The following TRAF6 variants were observed in gnomAD, a reference collection of about 807,000 sequenced individuals.
The protein encoded by TRAF6 is TNF receptor-associated factor 6.
TRAF6 carries 10 observed loss-of-function variants against 48.4 expected under a neutral mutation model. The ratio of observed to expected loss-of-function variants is 0.21; its 90% CI spans 0.13 to 0.35. The LOEUF (loss-of-function observed/expected upper bound fraction) is 0.35, where lower values mean the gene tolerates loss of function less well. TRAF6 is among the 10% of genes least tolerant of loss of function. The pLI, the probability that TRAF6 is intolerant of heterozygous loss-of-function variation, is 1.00. For missense variants in TRAF6, 397 were observed against 661.0 expected (o/e 0.60, Z 4.38); for synonymous variants, 186 against 219.6 (o/e 0.85, Z 1.35).
chr11:36,507,789 T>C (rs1460178448), intron 1 of TRAF6, among the ~76,000 whole-genome samples: 7 of 142,758 alleles, frequency 4.9e-5, no homozygotes, highest in Non-Finnish European at 1.1e-4. Context: ...TATATGTATA[T>C]ATTATATATG....
intron 1 of TRAF6, among the ~76,000 whole-genome samples, chr11:36,505,959 T>TA (rs1321199054): frequency 7.9e-5 from 12 of 152,108 alleles, no homozygotes; most frequent in Non-Finnish European, 1.5e-5. Context: ...AAACAACAAT[T>TA]ACAATAGTAA....
chr11:36,493,554 TAGAG>T (rs1859590846), intron 5 of TRAF6, among the ~76,000 whole-genome samples: 1 of 152,160 alleles, frequency 6.6e-6, no homozygotes, highest in Non-Finnish European at 1.5e-5. Context: ...CAAAAACAGG[TAGAG>T]AGACAGATCT....
chr11:36,501,827 C>T (rs1052881419), intron 1 of TRAF6: 2 of 199,262 alleles, frequency 1.0e-5, no homozygotes, highest in African/African-American at 4.6e-5. Context: ...AGAACGACAG[C>T]ATATAAAGTT....
rs1051937029 is a variant in TRAF6, at chr11:36,490,925, TCTAA to T, written c.757-279_757-276del. 5.9e-5 allele frequency among the ~76,000 whole-genome samples: 9 copies of T among 152,188 alleles called. No homozygotes were observed. The highest frequency in any genetic ancestry group is 1.9e-4 in the African/African-American group (8 of 41,430). ...AATGTATTTACACACATCCTTCTTT[TCTAA>T]CTGAGATGCCTGTCCTCTCCAAGAT... is the stretch of plus-strand genomic sequence containing the variant. On this transcript the variant is annotated intron_variant, in intron 6 of 6. Coordinates refer to ENST00000526995, the MANE Select transcript of TRAF6 (RefSeq NM_004620.4). The surrounding 1 kb of genome is among the most constrained non-coding windows in gnomAD (Gnocchi z 6.4).
rs1433176275 is a variant in TRAF6 at position 36,487,244 on chromosome 11, G to A, written c.*2594C>T. 1 of 152,248 alleles carries A rather than the reference G, an allele frequency of 6.6e-6. No homozygotes were observed. Among genetic ancestry groups the A allele is most frequent in the South Asian group, 2.1e-4 (1 of 4,836 alleles). 9.4% of individuals were successfully genotyped at this position (152,248 alleles called of 1,614,324 possible). On this transcript the variant is annotated 3_prime_UTR_variant, in exon 7 of 7. Transcript: ENST00000526995. ...CATACAACATAAAGCCCAAAGGCTT[G>A]TATACCCAACTGAGTGAAACTAGCA... is the stretch of plus-strand genomic sequence containing the variant.
In TRAF6 at chr11:36,484,169, C is replaced by T. The variant is rs141856130; in HGVS notation, c.*5669G>A. ...AGGAGCAGGGCTTGTTTTATGCGCTCCGTGCATGCTGATGGTGCAGGGAGT... is the reference window on the plus strand; with the variant it reads ...AGGAGCAGGGCTTGTTTTATGCGCTTCGTGCATGCTGATGGTGCAGGGAGT... On this transcript the variant is annotated 3_prime_UTR_variant, in exon 7 of 7. Transcript: ENST00000526995. Among the ~76,000 whole-genome samples, 2 of 152,314 alleles carry T rather than the reference C, an allele frequency of 1.3e-5. No homozygotes were observed. The highest frequency in any genetic ancestry group is 2.9e-5 in the Non-Finnish European group (2 of 68,028).
intron 1 of TRAF6, among the ~76,000 whole-genome samples, chr11:36,509,629 G>A (rs1859873186): frequency 6.6e-6 from 1 of 152,184 alleles, no homozygotes; most frequent in African/African-American, 2.4e-5. Context: ...GGAGTTGAGG[G>A]GAGCGAGGTT....
At position 36,508,270 on chromosome 11, in the gene TRAF6, TC is replaced by T. The variant is rs548339357; in HGVS notation, c.-23+1777del. ...TATGTTAAGAGTGTCCTGACTGTAATCCCCTTTTGCAGTTGCGAAATCTAGT... is the reference window on the plus strand; with the variant it reads ...TATGTTAAGAGTGTCCTGACTGTAATCCCTTTTGCAGTTGCGAAATCTAGT... On this transcript the variant is annotated intron_variant, in intron 1 of 6. Transcript: ENST00000526995. 3.7e-3 allele frequency among the ~76,000 whole-genome samples: 567 copies of T among 151,804 alleles called. 2 individuals carry two copies. Among genetic ancestry groups the T allele is most frequent in the Admixed American group, 0.01 (152 of 15,150 alleles).
intron 1 of TRAF6, among the ~76,000 whole-genome samples, chr11:36,504,728 G>A (rs1446932123): frequency 2.0e-5 from 3 of 152,136 alleles, no homozygotes; most frequent in Admixed American, 6.6e-5. Context: ...CAGATCCATC[G>A]GGGGCTCATT....
At position 36,498,645 on chromosome 11, in the gene TRAF6, C is replaced by A. The variant is rs1397020408; in HGVS notation, c.297-5G>T. On this transcript the variant is annotated splice_polypyrimidine_tract_variant and splice_region_variant and intron_variant, in intron 2 of 6. Coordinates refer to ENST00000526995, the MANE Select transcript of TRAF6 (RefSeq NM_004620.4). Reference sequence around the variant, plus strand: ...GGACATTTGTGACCTGCATCCCTAACAGAAACAAAATACACACAATTAGAT... The same window carrying A: ...GGACATTTGTGACCTGCATCCCTAAAAGAAACAAAATACACACAATTAGAT... 5 of 1,601,114 alleles carry A rather than the reference C, an allele frequency of 3.1e-6. No individual in the cohort carries two copies. The highest frequency in any genetic ancestry group is 4.3e-6 in the Non-Finnish European group (5 of 1,175,832).
In TRAF6 at chr11:36,488,704, G is replaced by C. The variant is rs1859521270; in HGVS notation, c.*1134C>G. ...TCCTTCTCAGAACCTGCAGTTGTTA[G>C]GCTACAGCAACATACTCAAGCTAAG... On this transcript the variant is annotated 3_prime_UTR_variant, in exon 7 of 7. Transcript: ENST00000526995. 1 of 152,150 alleles carries C rather than the reference G, an allele frequency of 6.6e-6. No homozygotes were observed. Among genetic ancestry groups the C allele is most frequent in the Admixed American group, 6.5e-5 (1 of 15,274 alleles). The allele number at this position is 152,150 out of a possible 1,614,324, so 9.4% of individuals were successfully genotyped here.
chr11:36,491,007 G>C (rs1744355554), intron 6 of TRAF6, among the ~76,000 whole-genome samples: 1 of 152,142 alleles, frequency 6.6e-6, no homozygotes, highest in African/African-American at 2.4e-5. Context: ...ACACCCCAGA[G>C]ATTTTACTCA....
At position 36,488,056 on chromosome 11, in the gene TRAF6, C is replaced by T. The variant is rs917435517; in HGVS notation, c.*1782G>A. On this transcript the variant is annotated 3_prime_UTR_variant, in exon 7 of 7. Transcript: ENST00000526995. ...ACTACTGTTCAGTTTTTAAATGGAA[C>T]TTGACAATTATTTATTCATTGTAAA... 1.2e-4 allele frequency: 19 copies of T among 152,130 alleles called. No homozygotes were observed. The highest frequency in any genetic ancestry group is 4.3e-4 in the African/African-American group (18 of 41,420). The allele number at this position is 152,130 out of a possible 1,614,324, so 9.4% of individuals were successfully genotyped here.
At position 36,501,507 on chromosome 11, in the gene TRAF6, C is replaced by A; in HGVS notation, c.9G>T (p.Leu3=). 1 of 1,603,620 alleles carries A rather than the reference C, an allele frequency of 6.2e-7. No individual in the cohort carries two copies. Among genetic ancestry groups the A allele is most frequent in the Admixed American group, 1.7e-5 (1 of 59,334 alleles). MS[L]LNCENSCGSS... Reference sequence around the variant, plus strand: ...ATCCACAGCTGTTTTCACAGTTTAGCAGACTCATAGTAACTTGATTATCAC... The same window carrying A: ...ATCCACAGCTGTTTTCACAGTTTAGAAGACTCATAGTAACTTGATTATCAC... Residue 3 remains leucine (L), a synonymous_variant, in exon 2 of 7, where the codon CTG becomes CTT. Transcript: ENST00000526995.
intron 1 of TRAF6, among the ~76,000 whole-genome samples, chr11:36,506,197 A>G (rs1405609962): frequency 3.3e-5 from 5 of 151,970 alleles, no homozygotes; most frequent in Admixed American, 6.6e-5. Flanking sequence ...AAAATGAGGT[A>G]TATCTGTACA....
chr11:36,500,488 A>T (rs756232009), intron 2 of TRAF6, among the ~76,000 whole-genome samples: 1 of 152,234 alleles, frequency 6.6e-6, no homozygotes, highest in Non-Finnish European at 1.5e-5. Flanking sequence ...TCATGGGCCT[A>T]TCACACAGGG....
At chr11:36,496,756 GATCTT>G (rs1417642967) in intron 4 of TRAF6, among the ~76,000 whole-genome samples, 1 of 152,060 alleles carries the variant, frequency 6.6e-6, no homozygotes, top group East Asian at 1.9e-4. Context: ...ATTTTGTGTA[GATCTT>G]ATCTTAATCT....
At chr11:36,508,091 C>A (rs560195637) in intron 1 of TRAF6, among the ~76,000 whole-genome samples, 1 of 151,934 alleles carries the variant, frequency 6.6e-6, no homozygotes. Context: ...TATCCTCCCA[C>A]CTCAGCCTCC....
rs1455344000 is a variant in TRAF6, at chr11:36,499,518, T to C, written c.297-878A>G. On this transcript the variant is annotated intron_variant, in intron 2 of 6. Transcript: ENST00000526995. ...TTGCTATTAAAAAGCTGCTGAAGAT[T>C]AGCTACCTTCCTGGGCATGGCAGTG... Among the ~76,000 whole-genome samples, 5 of 152,232 alleles carry C rather than the reference T, an allele frequency of 3.3e-5. No homozygotes were observed. The East Asian group carries it at 9.7e-4, about 29-fold the overall frequency.
Sources: gnomAD v4.1 joint callset for allele counts (sites outside exome capture counted in the v4.1 genomes callset) on GRCh38, gnomAD v4.1.1 for gene constraint, Gnocchi (gnomAD v3.1) non-coding constraint, MANE v1.5 for transcripts, NCBI Gene and HGNC (gene_info 2026-07-23, HGNC 2026-07-21) for gene names.